Variants in ELMO1 observed in about 807,000 individuals in gnomAD.
The protein encoded by ELMO1 is engulfment and cell motility protein 1.
ELMO1 carries 26 observed loss-of-function variants against 98.9 expected under a neutral mutation model. The ratio of observed to expected loss-of-function variants is 0.26; its 90% confidence interval spans 0.19 to 0.36. ELMO1 has a LOEUF of 0.36. ELMO1 is among the 10% of genes least tolerant of loss of function. The pLI is 1.00. For missense variants in ELMO1, 627 were observed against 935.2 expected (o/e 0.67, Z 4.30); for synonymous variants, 346 against 346.0 (o/e 1.00, Z 0.00).
intron 1 of ELMO1, among the ~76,000 whole-genome samples, chr7:37,447,193 T>C (rs1456065793): frequency 6.6e-6 from 1 of 152,182 alleles, no homozygotes; most frequent in Middle Eastern, 3.2e-3. Flanking sequence ...CGCAGGGTTT[T>C]GGTGTGTAAA....
At chr7:37,196,446 C>T (rs933128987) in intron 13 of ELMO1, among the ~76,000 whole-genome samples, 4 of 152,112 alleles carry the variant, frequency 2.6e-5, no homozygotes, top group Admixed American at 6.5e-5. Flanking sequence ...TCAGGAAGGA[C>T]GATGCTCTGT....
intron 1 of ELMO1, among the ~76,000 whole-genome samples, chr7:37,362,317 T>C (rs182262433): frequency 1.3e-5 from 2 of 152,222 alleles, no homozygotes; most frequent in East Asian, 3.9e-4. Context: ...GCACAAGACA[T>C]TGAACACAAA....
intron 5 of ELMO1, among the ~76,000 whole-genome samples, chr7:37,269,096 CAT>C (rs906963162): frequency 1.3e-5 from 2 of 152,208 alleles, no homozygotes; most frequent in African/African-American, 4.8e-5. Flanking sequence ...TTGTTTTTAA[CAT>C]ATTTTTATTG....
At chr7:37,178,635 T>C (rs1790648885) in intron 13 of ELMO1, among the ~76,000 whole-genome samples, 1 of 151,472 alleles carries the variant, frequency 6.6e-6, no homozygotes, top group Non-Finnish European at 1.5e-5. Context: ...AAAAACAGTA[T>C]TAGCACCATA....
chr7:36,957,661 G>A (rs756381768), intron 16 of ELMO1, among the ~76,000 whole-genome samples: 11 of 152,160 alleles, frequency 7.2e-5, no homozygotes, highest in South Asian at 2.1e-4. Flanking sequence ...TGCTGAAGTC[G>A]TAAGTTTACA....
intron 15 of ELMO1, among the ~76,000 whole-genome samples, chr7:37,064,522 G>A (rs1374121967): frequency 6.6e-6 from 1 of 152,140 alleles, no homozygotes; most frequent in African/African-American, 2.4e-5. Context: ...GAAGACACAA[G>A]GACACTACCT....
intron 15 of ELMO1, among the ~76,000 whole-genome samples, chr7:37,027,745 T>G (rs879705000): frequency 6.6e-6 from 1 of 151,908 alleles, no homozygotes; most frequent in Non-Finnish European, 1.5e-5. Context: ...TCTTAGCACA[T>G]GAACACAACC....
intron 7 of ELMO1, 117 bp from the exon 8 acceptor site, chr7:37,233,311 T>C (rs992360076): frequency 8.3e-5 from 65 of 786,794 alleles, no homozygotes; most frequent in Non-Finnish European, 1.2e-4. Flanking sequence ...AAGAGACAAA[T>C]AGCAGGACCA....
intron 6 of ELMO1, among the ~76,000 whole-genome samples, chr7:37,248,906 T>C (rs950879910): frequency 6.6e-5 from 10 of 152,218 alleles, no homozygotes; most frequent in Non-Finnish European, 4.4e-5. Flanking sequence ...AAACAGAAAT[T>C]CATCTTTTGT....
At chr7:37,114,398 T>G (rs1785438511) in intron 14 of ELMO1, among the ~76,000 whole-genome samples, 1 of 152,114 alleles carries the variant, frequency 6.6e-6, no homozygotes, top group East Asian at 1.9e-4. Flanking sequence ...GTAGAGTCAA[T>G]AGGATTGAAA....
At chr7:37,233,908 T>C (rs756951218) in intron 7 of ELMO1, among the ~76,000 whole-genome samples, 145 of 152,182 alleles carry the variant, frequency 9.5e-4, no homozygotes, top group Non-Finnish European at 4.7e-4. Context: ...TGAGATTCAG[T>C]AGGCTATAAG....
At chr7:36,860,891 TA>T in intron 21 of ELMO1, among the ~76,000 whole-genome samples, 1 of 152,228 alleles carries the variant, frequency 6.6e-6, no homozygotes, top group Non-Finnish European at 1.5e-5. Flanking sequence ...GAATAACTTC[TA>T]AATGAGCTAA....
At chr7:37,158,261 C>T (rs890175930) in intron 13 of ELMO1, among the ~76,000 whole-genome samples, 42 of 152,220 alleles carry the variant, frequency 2.8e-4, no homozygotes, top group Middle Eastern at 6.8e-3. Context: ...GACTTCATGA[C>T]TAAAAACACC....
At chr7:37,217,644 G>A in intron 10 of ELMO1, 1 of 455,632 alleles carries the variant, frequency 2.2e-6, no homozygotes, top group South Asian at 1.6e-5. Context: ...TACAAGCAGG[G>A]GTGGACAGGA....
At chr7:37,330,246 A>G (rs1007611669) in intron 2 of ELMO1, among the ~76,000 whole-genome samples, 1 of 152,244 alleles carries the variant, frequency 6.6e-6, no homozygotes, top group African/African-American at 2.4e-5. Flanking sequence ...GACATAGATT[A>G]TAGCTTCTTA....
intron 8 of ELMO1, among the ~76,000 whole-genome samples, chr7:37,225,394 C>T (rs1410883955): frequency 2.6e-5 from 4 of 152,158 alleles, no homozygotes; most frequent in Middle Eastern, 3.2e-3. Flanking sequence ...ATGGTAATGT[C>T]AACATATGTT....
At chr7:37,235,850 G>A (rs1202492239) in intron 7 of ELMO1, among the ~76,000 whole-genome samples, 1 of 152,214 alleles carries the variant, frequency 6.6e-6, no homozygotes, top group South Asian at 2.1e-4. Flanking sequence ...AACCCAGGAG[G>A]TGGAGGCTGC....
At chr7:37,321,716 C>CAGAAAA (rs1799509633) in intron 2 of ELMO1, among the ~76,000 whole-genome samples, 1 of 66,104 alleles carries the variant, frequency 1.5e-5, no homozygotes, top group Non-Finnish European at 2.7e-5. Flanking sequence ...GACTCCGTCT[C>CAGAAAA]AAAAAAAAAA....
intron 6 of ELMO1, among the ~76,000 whole-genome samples, chr7:37,258,610 T>A (rs4723628): frequency 0.32 from 48,206 of 151,988 alleles, 7,771 homozygotes; most frequent in Middle Eastern, 0.43. Context: ...TTGCATGCAC[T>A]GAGTAGGTAG....
Sources: gnomAD v4.1 joint callset for allele counts (sites outside exome capture counted in the v4.1 genomes callset) on GRCh38, gnomAD v4.1.1 for gene constraint, MANE v1.5 for transcripts, NCBI Gene and HGNC (gene_info 2026-07-23, HGNC 2026-07-21) for gene names.